GABRA5: variants seen among roughly 807,000 people sequenced by gnomAD.
GABRA5 encodes gamma-aminobutyric acid type A receptor subunit alpha5, also known as gamma-aminobutyric acid receptor subunit alpha-5.
Under a neutral mutation model 47.3 loss-of-function variants are expected in GABRA5, and 18 were observed. The observed-to-expected ratio is 0.38, with a 90% CI of 0.26 to 0.56. The LOEUF is 0.56. Among genes scored for constraint, GABRA5 ranks in the 20% least tolerant of loss-of-function variants. The pLI is 0.71. For missense variants in GABRA5, 365 were observed against 599.3 expected (o/e 0.61, Z 4.08); for synonymous variants, 237 against 229.3 (o/e 1.03, Z -0.30).
intron 7 of GABRA5, among the ~76,000 whole-genome samples, chr15:26,928,537 G>A (rs769819616): frequency 1.3e-5 from 2 of 152,096 alleles, no homozygotes; most frequent in African/African-American, 4.8e-5. Context: ...GGGCCCTTAC[G>A]AGGTGATTAG....
rs67317843 is a variant in GABRA5, at chr15:26,874,317, ATT to A, written c.86+4992_86+4993del. ...TGTATCCCCTTAATATTCACAATGC[ATT>A]TTTTTTTTAAATGCACTGTTTAATT... On this transcript the variant is annotated intron_variant, in intron 3 of 10. Transcript: ENST00000335625. 3.3e-3 allele frequency among the ~76,000 whole-genome samples: 417 copies of A among 126,792 alleles called. 2 individuals carry two copies. Among genetic ancestry groups the A allele is most frequent in the African/African-American group, 0.012 (373 of 32,048 alleles). The allele number at this position is 126,792 out of a possible 152,430, so 83.2% of individuals were successfully genotyped here.
chr15:26,943,537 A>C, intron 10 of GABRA5, 111 bp downstream of exon 10: 1 of 959,348 alleles, frequency 1.0e-6, no homozygotes, highest in Non-Finnish European at 1.6e-6. Flanking sequence ...CCAGCCCCCG[A>C]ATGCTCCTTT....
chr15:26,893,937 G>C (rs944106141), intron 6 of GABRA5, among the ~76,000 whole-genome samples: 1 of 152,148 alleles, frequency 6.6e-6, no homozygotes, highest in Non-Finnish European at 1.5e-5. Flanking sequence ...AGACCTCAAA[G>C]GTGGCCGGGG....
chr15:26,938,005 C>T (rs1424705373), intron 8 of GABRA5, among the ~76,000 whole-genome samples: 10 of 152,232 alleles, frequency 6.6e-5, no homozygotes, highest in African/African-American at 1.9e-4. Flanking sequence ...AGAGCCTCTG[C>T]AGCCTTGGAG....
intron 3 of GABRA5, among the ~76,000 whole-genome samples, chr15:26,871,681 T>C (rs1211652723): frequency 1.3e-5 from 2 of 152,214 alleles, no homozygotes; most frequent in Admixed American, 1.3e-4. Context: ...ACAGTTGGGA[T>C]CAGGCTGTGC....
chr15:26,920,533 G>A (rs1893819386), intron 7 of GABRA5, among the ~76,000 whole-genome samples: 1 of 151,840 alleles, frequency 6.6e-6, no homozygotes, highest in South Asian at 2.1e-4. Flanking sequence ...TCTCTATGAT[G>A]GTTATTTTGA....
intron 10 of GABRA5, among the ~76,000 whole-genome samples, chr15:26,945,447 A>G (rs1894488227): frequency 6.6e-6 from 1 of 152,238 alleles, no homozygotes; most frequent in African/African-American, 2.4e-5. Flanking sequence ...AACGTTTGGG[A>G]AAGGAAACAG....
chr15:26,939,784 G>T, intron 8 of GABRA5, 141 bp from the exon 9 acceptor site: 1 of 750,990 alleles, frequency 1.3e-6, no homozygotes, highest in Non-Finnish European at 2.2e-6. Context: ...ATCCTCCTGT[G>T]TCCTCTCCTT....
chr15:26,902,185 G>A (rs925052228), intron 6 of GABRA5, among the ~76,000 whole-genome samples: 24 of 152,098 alleles, frequency 1.6e-4, no homozygotes, highest in African/African-American at 4.8e-4. Flanking sequence ...ACAAAACAAC[G>A]TGCTTGAATT....
At chr15:26,938,392 G>A (rs1461707957) in intron 8 of GABRA5, among the ~76,000 whole-genome samples, 2 of 152,188 alleles carry the variant, frequency 1.3e-5, no homozygotes, top group Non-Finnish European at 2.9e-5. Context: ...GCTCCAGTTT[G>A]GAGCTGTTTC....
At position 26,883,905 on chromosome 15, in the gene GABRA5, A is replaced by C. The variant is rs1371420898; in HGVS notation, c.497+348A>C. ...CGGGCGTGGTGGCTCATGCCTGTACACCTTTAATCCCAACACTCTGGGAGG... is the reference window on the plus strand; with the variant it reads ...CGGGCGTGGTGGCTCATGCCTGTACCCCTTTAATCCCAACACTCTGGGAGG... On this transcript the variant is annotated intron_variant, in intron 6 of 10. Transcript: ENST00000335625. This position sits in a 1 kb window ranked among gnomAD's most constrained non-coding sequence, Gnocchi z 4.8. Among the ~76,000 whole-genome samples the C allele has an allele frequency of 1.3e-5, 2 of 152,016 alleles. No homozygotes were observed. Among genetic ancestry groups the C allele is most frequent in the Non-Finnish European group, 2.9e-5 (2 of 67,990 alleles).
At chr15:26,915,359 A>G (rs777007970) in intron 7 of GABRA5, among the ~76,000 whole-genome samples, 32 of 152,224 alleles carry the variant, frequency 2.1e-4, no homozygotes, top group Admixed American at 9.8e-4. Context: ...GTGCTCACCC[A>G]CAACACTCAG....
rs751210737 is a variant in GABRA5 at position 26,869,235 on chromosome 15, T to A, written c.-14T>A. On this transcript the variant is annotated 5_prime_UTR_variant, in exon 3 of 11. Coordinates refer to ENST00000335625, the MANE Select transcript of GABRA5 (RefSeq NM_000810.4). Reference sequence around the variant, plus strand: ...CTCCATATTCACCTGCTTCAACTACTATTCTTATTGGGAATGGACAATGGA... The same window carrying A: ...CTCCATATTCACCTGCTTCAACTACAATTCTTATTGGGAATGGACAATGGA... 6.7e-7 allele frequency: 1 copy of A among 1,499,172 alleles called. No individual in the cohort carries two copies. The highest frequency in any genetic ancestry group is 2.3e-5 in the East Asian group (1 of 44,310). 92.9% of individuals were successfully genotyped at this position (1,499,172 alleles called of 1,614,324 possible).
At position 26,943,205 on chromosome 15, in the gene GABRA5, A is replaced by G. The variant is rs1485333580; in HGVS notation, c.878-10A>G. 1 of 1,548,192 alleles carries G rather than the reference A, an allele frequency of 6.5e-7. No individual in the cohort carries two copies. The highest frequency in any genetic ancestry group is 1.2e-5 in the South Asian group (1 of 84,020). ...TCCGTTTTTCACTCTGCCCTGCCTGACCCCCGCAGGGGTCACCACGGTGCT... is the reference window on the plus strand; with the variant it reads ...TCCGTTTTTCACTCTGCCCTGCCTGGCCCCCGCAGGGGTCACCACGGTGCT... On this transcript the variant is annotated splice_polypyrimidine_tract_variant and intron_variant, in intron 9 of 10. Coordinates refer to ENST00000335625, the MANE Select transcript of GABRA5 (RefSeq NM_000810.4).
chr15:26,897,507 C>T (rs1416083521), intron 6 of GABRA5, among the ~76,000 whole-genome samples: 1 of 152,146 alleles, frequency 6.6e-6, no homozygotes, highest in Non-Finnish European at 1.5e-5. Flanking sequence ...GCCCGTGGTA[C>T]TTTGTAATGG....
intron 6 of GABRA5, among the ~76,000 whole-genome samples, chr15:26,896,837 T>C (rs1481502730): frequency 6.6e-6 from 1 of 152,190 alleles, no homozygotes; most frequent in Non-Finnish European, 1.5e-5. Context: ...AGCAAGTATC[T>C]ATATCACTGC....
At chr15:26,873,716 A>G (rs1404529248) in intron 3 of GABRA5, among the ~76,000 whole-genome samples, 2 of 152,210 alleles carry the variant, frequency 1.3e-5, no homozygotes, top group African/African-American at 2.4e-5. Flanking sequence ...CCAGATGACA[A>G]ATTCTTCCTG....
At chr15:26,924,856 C>A (rs184424974) in intron 7 of GABRA5, among the ~76,000 whole-genome samples, 6 of 152,218 alleles carry the variant, frequency 3.9e-5, no homozygotes, top group African/African-American at 1.4e-4. Flanking sequence ...TTCCAAGTTG[C>A]CAGCTTCTTT....
chr15:26,873,655 C>T (rs7165473), intron 3 of GABRA5, among the ~76,000 whole-genome samples: 97,396 of 152,046 alleles, frequency 0.64, 31,220 homozygotes, highest in Middle Eastern at 0.68. Context: ...CTCTGAATCA[C>T]GCAGGTACTC....
Sources: allele counts gnomAD v4.1 joint callset (sites outside exome capture counted in the v4.1 genomes callset), GRCh38; gene constraint gnomAD v4.1.1; non-coding constraint Gnocchi (gnomAD v3.1); transcripts MANE v1.5; gene names NCBI Gene and HGNC (gene_info 2026-07-23, HGNC 2026-07-21).